QTGAL: variants seen among roughly 807,000 people sequenced by gnomAD.
QTGAL encodes queuosine-tRNA galactosyltransferase, also known as BGnT-like protein 1.
At chr17:83,033,747 A>C in the QTGAL span, among the ~76,000 whole-genome samples, 4 of 152,198 alleles carry the variant, frequency 2.6e-5, no homozygotes, top group Non-Finnish European at 5.9e-5. Flanking sequence ...CTGGGATTAC[A>C]GGCGTGAGCC....
the QTGAL span, chr17:83,014,576 A>G: frequency 6.3e-7 from 1 of 1,578,536 alleles, no homozygotes; most frequent in Non-Finnish European, 8.7e-7. Flanking sequence ...TGCATAGACT[A>G]ATACAGTCCC....
At chr17:82,956,248 C>T in the QTGAL span, among the ~76,000 whole-genome samples, 14 of 152,282 alleles carry the variant, frequency 9.2e-5, no homozygotes, top group East Asian at 7.7e-4. This position sits in a 1 kb window ranked among gnomAD's most constrained non-coding sequence, Gnocchi z 5.7. Flanking sequence ...ATTTGGAGCC[C>T]GAGGCACCCA....
chr17:82,950,509 A>G, the QTGAL span, among the ~76,000 whole-genome samples: 7 of 152,246 alleles, frequency 4.6e-5, no homozygotes, highest in Non-Finnish European at 8.8e-5. Flanking sequence ...GCATTTTATA[A>G]CTGCTTCTCG....
At chr17:83,007,197 T>C in the QTGAL span, 5 of 982,928 alleles carry the variant, frequency 5.1e-6, no homozygotes, top group Middle Eastern at 1.0e-3. Context: ...TGCTGAATTC[T>C]ATCTGTGAAC....
the QTGAL span, among the ~76,000 whole-genome samples, chr17:82,970,624 C>T: frequency 7.7e-3 from 515 of 66,478 alleles, 45 homozygotes; most frequent in African/African-American, 0.029. Context: ...CCCCACCCGG[C>T]GTGGCCGCGA....
the QTGAL span, among the ~76,000 whole-genome samples, chr17:82,985,874 TC>T: frequency 2.0e-5 from 3 of 152,020 alleles, no homozygotes; most frequent in East Asian, 1.9e-4. Flanking sequence ...TTAAAAATCA[TC>T]GTGTATTCCA....
At chr17:82,966,540 G>C in the QTGAL span, among the ~76,000 whole-genome samples, 4 of 152,220 alleles carry the variant, frequency 2.6e-5, no homozygotes, top group African/African-American at 9.7e-5. Context: ...ACAGAGACCA[G>C]AAGCAGAGCC....
chr17:82,970,576 C>A, the QTGAL span, among the ~76,000 whole-genome samples: 49 of 121,996 alleles, frequency 4.0e-4, 2 homozygotes, highest in African/African-American at 2.4e-3. Context: ...CCGCACCCGG[C>A]GTGGCCGCGA....
the QTGAL span, chr17:82,944,769 C>G: frequency 6.6e-6 from 1 of 152,152 alleles, no homozygotes; most frequent in Non-Finnish European, 1.5e-5. Flanking sequence ...CCTTGGAGAT[C>G]CTGAGGGTTT....
the QTGAL span, among the ~76,000 whole-genome samples, chr17:82,985,457 T>A: frequency 3.9e-5 from 6 of 152,208 alleles, no homozygotes; most frequent in Non-Finnish European, 7.3e-5. Context: ...GAAAATTCTA[T>A]CTAAGAGGAC....
chr17:82,973,826 C>G, the QTGAL span, among the ~76,000 whole-genome samples: 4 of 152,216 alleles, frequency 2.6e-5, no homozygotes, highest in Non-Finnish European at 5.9e-5. Flanking sequence ...CTCAGGGGCT[C>G]TCAGGCAGTG....
At chr17:82,963,464 CTGGCAACACTTCCA>C in the QTGAL span, among the ~76,000 whole-genome samples, 6 of 152,192 alleles carry the variant, frequency 3.9e-5, no homozygotes, top group Non-Finnish European at 8.8e-5. Context: ...AAACTAAAAA[CTGGCAACACTTCCA>C]TGGATAAAAA....
the QTGAL span, chr17:82,943,962 C>T: frequency 0.11 from 15,992 of 152,256 alleles, 1,110 homozygotes; most frequent in South Asian, 0.25. Flanking sequence ...TCGGCACACA[C>T]GAGACTCTGG....
the QTGAL span, among the ~76,000 whole-genome samples, chr17:82,958,814 CTGTG>C: frequency 7.5e-3 from 920 of 122,902 alleles, 8 homozygotes; most frequent in Middle Eastern, 0.021. Flanking sequence ...TGTGTGTATA[CTGTG>C]TGGGGGTGTA....
At chr17:83,047,440 A>G in the QTGAL span, among the ~76,000 whole-genome samples, 2 of 151,682 alleles carry the variant, frequency 1.3e-5, no homozygotes, top group South Asian at 2.1e-4. Flanking sequence ...ACTTAGGTCT[A>G]TAATCAATCC....
At chr17:83,047,947 TTTTC>T in the QTGAL span, among the ~76,000 whole-genome samples, 24 of 152,290 alleles carry the variant, frequency 1.6e-4, no homozygotes, top group African/African-American at 2.4e-4. Context: ...AGGTTCTTTC[TTTTC>T]TTTCTTTTTC....
chr17:83,009,094 G>A, the QTGAL span, among the ~76,000 whole-genome samples: 1 of 152,086 alleles, frequency 6.6e-6, no homozygotes, highest in African/African-American at 2.4e-5. Flanking sequence ...CACCCTCGAG[G>A]TGAGTCCCCC....
chr17:82,976,177 T>C, the QTGAL span, among the ~76,000 whole-genome samples: 1 of 35,332 alleles, frequency 2.8e-5, no homozygotes. Flanking sequence ...GACTCCATCC[T>C]CCCAGGGACC....
the QTGAL span, among the ~76,000 whole-genome samples, chr17:82,984,482 G>A: frequency 6.9e-6 from 1 of 144,098 alleles, no homozygotes; most frequent in Non-Finnish European, 1.5e-5. Context: ...ATTATGCAGG[G>A]GAGAGGCCAC....
Sources: allele counts gnomAD v4.1 joint callset (sites outside exome capture counted in the v4.1 genomes callset), GRCh38; gene constraint gnomAD v4.1.1; non-coding constraint Gnocchi (gnomAD v3.1); transcripts MANE v1.5; gene names NCBI Gene and HGNC (gene_info 2026-07-23, HGNC 2026-07-21).